LPP: variants seen among roughly 807,000 people sequenced by gnomAD.
LPP encodes the protein lipoma-preferred partner.
LPP carries 38 observed loss-of-function variants against 60.4 expected under a neutral mutation model. The observed-to-expected ratio is 0.63, with a 90% CI of 0.49 to 0.83. The LOEUF is 0.83. Ranked by LOEUF, LPP falls within the 40% of genes least tolerant of loss-of-function variation. LPP has a pLI of 0.00. For synonymous variants in LPP, 328 were observed against 290.8 expected, an observed-to-expected ratio of 1.13 and a Z score of -1.30; for missense variants, 902 against 783.6, an observed-to-expected ratio of 1.15 and a Z score of -1.80.
At chr3:188,872,516 A>G in intron 10 of LPP, 127 bp from the exon 11 acceptor site, 1 of 991,814 alleles carries the variant, frequency 1.0e-6, no homozygotes, top group Non-Finnish European at 1.6e-6. Context: ...CCTGAGTCTA[A>G]CTCCCTCACC....
chr3:188,436,428 T>C (rs1450263216), intron 4 of LPP, among the ~76,000 whole-genome samples: 3 of 152,236 alleles, frequency 2.0e-5, no homozygotes, highest in African/African-American at 4.8e-5. Context: ...ATTTCCTAGA[T>C]TCTGTGTTCT....
chr3:188,629,062 A>G (rs1209959704), intron 7 of LPP, among the ~76,000 whole-genome samples: 3 of 152,196 alleles, frequency 2.0e-5, no homozygotes, highest in Admixed American at 1.3e-4. Flanking sequence ...ACATCGCTTC[A>G]TGTTAAAAAC....
chr3:188,390,780 T>C (rs1779508694), intron 3 of LPP, among the ~76,000 whole-genome samples: 1 of 152,202 alleles, frequency 6.6e-6, no homozygotes, highest in African/African-American at 2.4e-5. Context: ...CTGAGTACTT[T>C]AAGAGAAACC....
chr3:188,226,215 G>A (rs1717695920), intron 2 of LPP, among the ~76,000 whole-genome samples: 2 of 152,062 alleles, frequency 1.3e-5, no homozygotes, highest in African/African-American at 4.8e-5. Flanking sequence ...CACCATGATG[G>A]CCAGGCTGGT....
At chr3:188,686,144 A>G (rs947589967) in intron 7 of LPP, among the ~76,000 whole-genome samples, 1 of 152,194 alleles carries the variant, frequency 6.6e-6, no homozygotes, top group Non-Finnish European at 1.5e-5. Context: ...TTAATAATTC[A>G]TATGAAATAC....
At chr3:188,429,994 T>A (rs1326889462) in intron 4 of LPP, among the ~76,000 whole-genome samples, 3 of 152,190 alleles carry the variant, frequency 2.0e-5, no homozygotes, top group Non-Finnish European at 4.4e-5. Flanking sequence ...AAAGAACTAC[T>A]TCCTTTATTT....
chr3:188,511,188 C>T (rs1295070518), intron 5 of LPP, among the ~76,000 whole-genome samples: 5 of 126,034 alleles, frequency 4.0e-5, no homozygotes, highest in African/African-American at 1.5e-4. Flanking sequence ...ACCTGACTCT[C>T]TCCCTCCCTC....
intron 5 of LPP, among the ~76,000 whole-genome samples, chr3:188,505,189 C>T (rs1484355400): frequency 6.6e-6 from 1 of 152,182 alleles, no homozygotes; most frequent in Non-Finnish European, 1.5e-5. Flanking sequence ...GGTGGCAGTG[C>T]AATCGTTGTC....
intron 3 of LPP, among the ~76,000 whole-genome samples, chr3:188,373,483 T>C (rs1773931575): frequency 6.6e-6 from 1 of 152,202 alleles, no homozygotes. Flanking sequence ...TTTCATGTGT[T>C]TTTTGGCTGC....
intron 4 of LPP, among the ~76,000 whole-genome samples, chr3:188,411,990 TC>T (rs1785016343): frequency 6.6e-6 from 1 of 151,862 alleles, no homozygotes. Context: ...TCTCTCTCTC[TC>T]TCTCTCTAAT....
chr3:188,590,839 T>A (rs2151089400), intron 6 of LPP, among the ~76,000 whole-genome samples: 1 of 152,238 alleles, frequency 6.6e-6, no homozygotes, highest in East Asian at 1.9e-4. Context: ...TCTAAGGCCT[T>A]CAATTATGAG....
chr3:188,684,869 A>G (rs1018127727), intron 7 of LPP, among the ~76,000 whole-genome samples: 5 of 152,258 alleles, frequency 3.3e-5, no homozygotes, highest in African/African-American at 1.2e-4. Flanking sequence ...CAATTGGCAG[A>G]ATTAATGAAA....
At chr3:188,565,951 A>T (rs1832035199) in intron 6 of LPP, among the ~76,000 whole-genome samples, 1 of 151,934 alleles carries the variant, frequency 6.6e-6, no homozygotes, top group South Asian at 2.1e-4. Context: ...TGGGTAGGAG[A>T]TTGCACAGTG....
rs1769653695 is a variant in LPP at position 188,879,365 on chromosome 3, A to G, written c.*4886A>G. The G allele has an allele frequency of 9.1e-6, 2 of 219,364 alleles. No homozygotes were observed. The highest frequency in any genetic ancestry group is 1.2e-4 in the Admixed American group (2 of 17,296). The allele number at this position is 219,364 out of a possible 1,614,324, so 13.6% of individuals were successfully genotyped here. A position where few individuals can be genotyped will look rare whatever the true frequency, so the allele number is the denominator to read the frequency against. On this transcript the variant is annotated 3_prime_UTR_variant, in exon 12 of 12. Transcript: ENST00000617246. ...GATTTTTTGTAAATTAAATCAATGC[A>G]TTATGATTTTAGGGAATTATGATTA...
At chr3:188,492,691 C>T (rs978346741) in intron 5 of LPP, among the ~76,000 whole-genome samples, 2 of 151,948 alleles carry the variant, frequency 1.3e-5, no homozygotes, top group African/African-American at 2.4e-5. Flanking sequence ...AGCGAAACTC[C>T]GTCTCAAAGA....
intron 7 of LPP, among the ~76,000 whole-genome samples, chr3:188,704,767 T>C (rs1865148017): frequency 6.6e-6 from 1 of 151,888 alleles, no homozygotes. Context: ...TTTGTTGTTG[T>C]TGTTGTTGTT....
At chr3:188,361,472 C>T (rs896496737) in intron 3 of LPP, among the ~76,000 whole-genome samples, 45 of 126,414 alleles carry the variant, frequency 3.6e-4, no homozygotes, top group African/African-American at 1.2e-3. Flanking sequence ...TTCCTTCCTT[C>T]CCTCTCCTTT....
At position 188,874,679 on chromosome 3, in the gene LPP, T is replaced by G; in HGVS notation, c.*200T>G. On this transcript the variant is annotated 3_prime_UTR_variant, in exon 12 of 12. Transcript: ENST00000617246. ...ATTTCACATTGAATCATGTAGGATC[T>G]TGATGGGCCTTTGTTCCCAAGGACT... 5.4e-6 allele frequency: 3 copies of G among 559,648 alleles called. No individual in the cohort carries two copies. Among genetic ancestry groups the G allele is most frequent in the South Asian group, 5.9e-5 (2 of 33,738 alleles). The allele number at this position is 559,648 out of a possible 1,614,324, so 34.7% of individuals were successfully genotyped here.
intron 9 of LPP, among the ~76,000 whole-genome samples, chr3:188,771,549 CAAAAA>C (rs66712771): frequency 8.3e-5 from 9 of 108,922 alleles, no homozygotes; most frequent in Admixed American, 5.4e-4. Flanking sequence ...GACTCCATCT[CAAAAA>C]AAAAAAAAAA....
Sources: allele counts gnomAD v4.1 joint callset (sites outside exome capture counted in the v4.1 genomes callset), GRCh38; gene constraint gnomAD v4.1.1; transcripts MANE v1.5; gene names NCBI Gene and HGNC (gene_info 2026-07-23, HGNC 2026-07-21).